GALNT12: variants seen among roughly 807,000 people sequenced by gnomAD.
GALNT12 encodes the protein polypeptide N-acetylgalactosaminyltransferase 12.
GALNT12 carries 45 observed loss-of-function variants against 55.5 expected under a neutral mutation model. That is an observed-to-expected ratio of 0.81 (90% CI 0.64 to 1.04). GALNT12 has a LOEUF of 1.04. Ranked by LOEUF, GALNT12 falls within the 50% of genes least tolerant of loss-of-function variation. GALNT12 has a pLI of 0.00. For synonymous variants in GALNT12, 304 were observed against 312.2 expected (o/e 0.97, Z 0.28); for missense variants, 709 against 754.8 (o/e 0.94, Z 0.71).
At position 98,837,190 on chromosome 9, in the gene GALNT12, G is replaced by A. The variant is rs188825686; in HGVS notation, c.1212+42G>A. On this transcript the variant is annotated intron_variant, in intron 6 of 9. Coordinates refer to ENST00000375011, the MANE Select transcript of GALNT12 (RefSeq NM_024642.5). ...ACCTGCACTCCATCTGGCTTCATCT[G>A]AACAACAGCAGCTAATCGTGGCTTC... 3.8e-6 allele frequency: 6 copies of A among 1,599,542 alleles called. No homozygotes were observed. In the African/African-American group the frequency reaches 6.7e-5, roughly 18 times the overall value.
intron 1 of GALNT12, among the ~76,000 whole-genome samples, chr9:98,816,712 G>A (rs887579764): frequency 7.5e-5 from 11 of 146,376 alleles, no homozygotes; most frequent in African/African-American, 2.3e-4. Context: ...GTGCAATGGC[G>A]CCATCTCAGC....
intron 8 of GALNT12, chr9:98,844,634 G>A: frequency 4.2e-6 from 1 of 236,562 alleles, no homozygotes; most frequent in Non-Finnish European, 8.3e-6. Context: ...CAGACAGAAG[G>A]AAGGATAAAG....
At chr9:98,818,984 G>A (rs893757377) in intron 1 of GALNT12, among the ~76,000 whole-genome samples, 1 of 152,104 alleles carries the variant, frequency 6.6e-6, no homozygotes, top group African/African-American at 2.4e-5. Context: ...CATTCACGTG[G>A]CTGGAAAGAT....
At position 98,807,765 on chromosome 9, in the gene GALNT12, G is replaced by T; in HGVS notation, c.67G>T (p.Val23Leu). The T allele has an allele frequency of 8.5e-7, 1 of 1,176,098 alleles. No individual in the cohort carries two copies. The highest frequency in any genetic ancestry group is 5.2e-5 in the East Asian group (1 of 19,226). The allele number at this position is 1,176,098 out of a possible 1,614,324, so 72.9% of individuals were successfully genotyped here. A position where few individuals can be genotyped will look rare whatever the true frequency, so the allele number is the denominator to read the frequency against. ...GCGGCGCGGCCGGGAGGCGCTGTTG[G>T]TGCTCCTGGCGCTACTGGCGTTGGC... Reference protein sequence around the residue: ...ELRRGREALLVLLALLALAGL... With the variant: ...ELRRGREALLLLLALLALAGL... Residue 23 changes from valine (V) to leucine (L), a missense_variant, in exon 1 of 10, where the codon GTG becomes TTG. Around this residue, in one of 5 missense-constraint regions of GALNT12, gnomAD observed 110 missense variants for 102.2 expected, o/e 1.08. Transcript: ENST00000375011.
intron 5 of GALNT12, 43 bp downstream of exon 5, chr9:98,835,409 T>G: frequency 8.1e-7 from 1 of 1,235,648 alleles, no homozygotes; most frequent in Non-Finnish European, 1.2e-6. Flanking sequence ...CTTAACTGAT[T>G]CTCTCTTTGG....
intron 1 of GALNT12, among the ~76,000 whole-genome samples, chr9:98,812,461 G>C (rs1397410505): frequency 6.6e-6 from 1 of 152,090 alleles, no homozygotes; most frequent in Non-Finnish European, 1.5e-5. Flanking sequence ...CGTGGTGGTG[G>C]GTGTCTGTAG....
At chr9:98,818,549 A>G (rs1013250579) in intron 1 of GALNT12, among the ~76,000 whole-genome samples, 6 of 151,118 alleles carry the variant, frequency 4.0e-5, no homozygotes, top group African/African-American at 1.2e-4. Flanking sequence ...TTATAGCAAG[A>G]TTTTTCCTTC....
chr9:98,840,455 C>G (rs951431299), intron 7 of GALNT12, among the ~76,000 whole-genome samples: 2 of 152,178 alleles, frequency 1.3e-5, no homozygotes, highest in Non-Finnish European at 1.5e-5. Context: ...GTCTCAATGG[C>G]TGGACTAGTT....
intron 1 of GALNT12, among the ~76,000 whole-genome samples, chr9:98,811,039 TA>T: frequency 6.6e-6 from 1 of 152,194 alleles, no homozygotes; most frequent in East Asian, 1.9e-4. Flanking sequence ...TGGGGAACTT[TA>T]AAAAATATAT....
At position 98,837,064 on chromosome 9, in the gene GALNT12, T is replaced by C; in HGVS notation, c.1128T>C (p.Ala376=). ...AAGCTCCCTACTCCCGCAACAAGGC[T>C]CTGGCCAACAGTGTTCGTGCAGCTG... ...PKQAPYSRNK[A]LANSVRAAEV... The change falls in exon 6 of 10, where the codon GCT becomes GCC. Residue 376 remains alanine, a synonymous_variant. Transcript: ENST00000375011. 1 of 1,614,172 alleles carries C rather than the reference T, an allele frequency of 6.2e-7. No homozygotes were observed. Among genetic ancestry groups the C allele is most frequent in the Non-Finnish European group, 8.5e-7 (1 of 1,180,028 alleles).
At chr9:98,808,559 C>G (rs1258704847) in intron 1 of GALNT12, among the ~76,000 whole-genome samples, 1 of 152,232 alleles carries the variant, frequency 6.6e-6, no homozygotes, top group African/African-American at 2.4e-5. Flanking sequence ...TGTAAGGCCC[C>G]CTCAGCGCTA....
intron 1 of GALNT12, among the ~76,000 whole-genome samples, chr9:98,817,073 G>A (rs1301763097): frequency 6.6e-6 from 1 of 152,004 alleles, no homozygotes; most frequent in Non-Finnish European, 1.5e-5. Flanking sequence ...TGATTCACCC[G>A]CCTCGGCCTC....
intron 9 of GALNT12, among the ~76,000 whole-genome samples, chr9:98,847,811 C>CTT (rs754967420): frequency 3.4e-3 from 419 of 122,958 alleles, no homozygotes; most frequent in Non-Finnish European, 5.3e-3. Flanking sequence ...AGGGCTGGAT[C>CTT]TTTTTTTTTT....
chr9:98,816,924 A>G lies in GALNT12; in HGVS notation c.372-6332A>G, dbSNP rs201199165. Among the ~76,000 whole-genome samples the G allele has an allele frequency of 7.4e-4, 108 of 145,836 alleles. 1 individual carries two copies. The East Asian group carries it at 0.016, about 22-fold the overall frequency. ...ACTGCAAGCTCTGCCTTCCGGGTTC[A>G]TGCCATTCTCCTGCCTCAGCCTCCC... On this transcript the variant is annotated intron_variant, in intron 1 of 9. Coordinates refer to ENST00000375011, the MANE Select transcript of GALNT12 (RefSeq NM_024642.5).
intron 7 of GALNT12, among the ~76,000 whole-genome samples, chr9:98,840,463 G>A (rs879577581): frequency 1.4e-4 from 22 of 152,182 alleles, no homozygotes; most frequent in Non-Finnish European, 2.6e-4. Flanking sequence ...GGCTGGACTA[G>A]TTAATAATTC....
At chr9:98,845,172 G>A (rs1836383121) in intron 8 of GALNT12, among the ~76,000 whole-genome samples, 1 of 152,074 alleles carries the variant, frequency 6.6e-6, no homozygotes, top group African/African-American at 2.4e-5. Flanking sequence ...CTGGGAGCTT[G>A]GAAATGCACA....
intron 1 of GALNT12, among the ~76,000 whole-genome samples, chr9:98,813,235 C>T (rs570197130): frequency 6.6e-6 from 1 of 152,302 alleles, no homozygotes; most frequent in East Asian, 1.9e-4. Context: ...TATAATTCTA[C>T]ATTGGTAGTT....
chr9:98,837,970 T>C (rs1407506), intron 6 of GALNT12, among the ~76,000 whole-genome samples: 39,768 of 152,076 alleles, frequency 0.26, 5,486 homozygotes, highest in East Asian at 0.34. Context: ...CCAACATAGA[T>C]AGTTGGGGAT....
chr9:98,813,741 C>A (rs1011235772), intron 1 of GALNT12, among the ~76,000 whole-genome samples: 4 of 152,010 alleles, frequency 2.6e-5, no homozygotes, highest in African/African-American at 9.7e-5. Flanking sequence ...CTTAGGTGAT[C>A]CACCTACCTT....
Sources: gnomAD v4.1 joint callset for allele counts (sites outside exome capture counted in the v4.1 genomes callset) on GRCh38, gnomAD v4.1.1 for gene constraint, gnomAD v4.1.1 regional missense constraint, MANE v1.5 for transcripts, NCBI Gene and HGNC (gene_info 2026-07-23, HGNC 2026-07-21) for gene names.